CHDH: variants seen among roughly 807,000 people sequenced by gnomAD.
CHDH encodes choline dehydrogenase, mitochondrial.
A neutral mutation model predicts 56.9 loss-of-function variants in CHDH; 43 were observed. The ratio of observed to expected loss-of-function variants is 0.76; its 90% CI spans 0.59 to 0.97. CHDH has a LOEUF of 0.97. Ranked by LOEUF, CHDH falls within the 50% of genes least tolerant of loss-of-function variation. The pLI is 0.00. For missense variants in CHDH, 816 were observed against 821.1 expected, an observed-to-expected ratio of 0.99 and a Z score of 0.08; for synonymous variants, 364 against 348.5, an observed-to-expected ratio of 1.04 and a Z score of -0.50.
rs780132366 is a variant in CHDH at position 53,820,551 on chromosome 3, C to T, written c.1043G>A (p.Arg348His). The T allele has an allele frequency of 2.0e-5, 33 of 1,613,918 alleles. No homozygotes were observed. The Middle Eastern group carries it at 4.9e-4, about 24-fold the overall frequency. ...LEIYIQQACTRPITLHSAQKP... is the reference protein window; with the variant it reads ...LEIYIQQACTHPITLHSAQKP... ...CTGTGCTGAATGGAGGGTGATAGGG[C>T]GGGTGCATGCCTGCTGAATGTAGAT... The change falls in exon 6 of 9, where the codon CGC becomes CAC. Residue 348 changes from arginine (R) to histidine (H), a missense_variant. Transcript: ENST00000315251.
In CHDH at chr3:53,823,808, C is replaced by T; in HGVS notation, c.201G>A (p.Val67=). 1.3e-6 allele frequency: 2 copies of T among 1,583,196 alleles called. No homozygotes were observed. The highest frequency in any genetic ancestry group is 4.6e-5 in the East Asian group (2 of 43,344). The change falls in exon 3 of 9, where the codon GTG becomes GTA. Residue 67 remains valine, a synonymous_variant. Transcript: ENST00000315251. ...CCTTGGGCCCGGCCTCCAGCAGCAG[C>T]ACGCGCTCGGCGGGGTCCTCCGTGA... is the stretch of plus-strand genomic sequence containing the variant. ...GRLTEDPAER[V]LLLEAGPKDV...
intron 2 of CHDH, among the ~76,000 whole-genome samples, chr3:53,838,540 T>C (rs1576804827): frequency 6.6e-6 from 1 of 152,184 alleles, no homozygotes; most frequent in East Asian, 1.9e-4. Context: ...TAGAAGGCGC[T>C]GGTGTCCCAG....
intron 5 of CHDH, among the ~76,000 whole-genome samples, chr3:53,820,958 A>G (rs2095625136): frequency 6.6e-6 from 1 of 152,242 alleles, no homozygotes; most frequent in African/African-American, 2.4e-5. Context: ...GGTGATGGCC[A>G]GAGGGGCAGA....
At chr3:53,820,018 A>T (rs2095623197) in intron 6 of CHDH, among the ~76,000 whole-genome samples, 1 of 152,234 alleles carries the variant, frequency 6.6e-6, no homozygotes, top group African/African-American at 2.4e-5. Context: ...GACTGAGTGG[A>T]TGGGTAGGAT....
rs2095631360 is a variant in CHDH at position 53,823,243 on chromosome 3, C to T, written c.703+63G>A. On this transcript the variant is annotated intron_variant, in intron 3 of 8. Coordinates refer to ENST00000315251, the MANE Select transcript of CHDH (RefSeq NM_018397.5). ...GAGCCAGGAGCCTGGAGCCACGGGC[C>T]AAGATGGGTGGGGGCTGGGGTAGGG... The T allele has an allele frequency of 3.6e-6, 5 of 1,406,410 alleles. No homozygotes were observed. In the Admixed American group the frequency reaches 1.4e-4, roughly 40 times the overall value. The allele number at this position is 1,406,410 out of a possible 1,614,324, so 87.1% of individuals were successfully genotyped here. A position where few individuals can be genotyped will look rare whatever the true frequency, so the allele number is the denominator to read the frequency against.
chr3:53,828,022 T>C (rs898052468), intron 2 of CHDH, among the ~76,000 whole-genome samples: 4 of 152,170 alleles, frequency 2.6e-5, no homozygotes, highest in East Asian at 3.8e-4. Flanking sequence ...CAGTGTCATA[T>C]TGGTGAATAG....
chr3:53,827,723 C>A (rs779452179), intron 2 of CHDH, among the ~76,000 whole-genome samples: 2 of 152,154 alleles, frequency 1.3e-5, no homozygotes, highest in Non-Finnish European at 2.9e-5. Flanking sequence ...AACTATGAAA[C>A]CCTGATGAAA....
chr3:53,819,598 C>T lies in CHDH; in HGVS notation c.1197G>A (p.Gln399=). The change falls in exon 7 of 9, where the codon CAG becomes CAA. Residue 399 remains glutamine (Q), a synonymous_variant. Transcript: ENST00000315251. The surrounding 1 kb of genome is among the most constrained non-coding windows in gnomAD (Gnocchi z 5.4). ...SQPGVPHPDI[Q]FHFLPSQVID... ...TCACTTGGGATGGCAGGAAATGGAA[C>T]TGGATGTCCGGGTGGGGGACCCCAG... is the stretch of plus-strand genomic sequence containing the variant. 6.2e-7 allele frequency: 1 copy of T among 1,612,066 alleles called. No individual in the cohort carries two copies. Among genetic ancestry groups the T allele is most frequent in the Non-Finnish European group, 8.5e-7 (1 of 1,179,016 alleles).
Position 53,813,590 on chromosome 3 carries a change from T to C in CHDH, c.*4187A>G, listed in dbSNP as rs1211840907. 6.6e-6 allele frequency: 1 copy of C among 152,234 alleles called. No homozygotes were observed. The highest frequency in any genetic ancestry group is 6.5e-5 in the Admixed American group (1 of 15,284). 9.4% of individuals were successfully genotyped at this position (152,234 alleles called of 1,614,324 possible). A position where few individuals can be genotyped will look rare whatever the true frequency, so the allele number is the denominator to read the frequency against. ...GGCCAAAATTGCCAGACCAGGACCC[T>C]AAGTGTCTGATAGAGGCGATGATCT... is the stretch of plus-strand genomic sequence containing the variant. On this transcript the variant is annotated 3_prime_UTR_variant, in exon 9 of 9. Transcript: ENST00000315251.
In CHDH at chr3:53,814,971, A is replaced by G. The variant is rs2095613317; in HGVS notation, c.*2806T>C. The G allele has an allele frequency of 6.6e-6, 1 of 152,112 alleles. No individual in the cohort carries two copies. The highest frequency in any genetic ancestry group is 1.5e-5 in the Non-Finnish European group (1 of 68,056). The allele number at this position is 152,112 out of a possible 1,614,324, so 9.4% of individuals were successfully genotyped here. On this transcript the variant is annotated 3_prime_UTR_variant, in exon 9 of 9. Transcript: ENST00000315251. ...CACCATGCCTAGCCAAGAAGAATCT[A>G]TTTGAATTCGTGGAGATGATGCCTG...
In CHDH at chr3:53,819,714, G is replaced by T; in HGVS notation, c.1121-40C>A. The stretch of plus-strand genomic sequence containing the variant: ...AGGATGAGGCAGAAGAGCCAGTCAG[G>T]CCGTGGCAGGTGGGCCGGCTGCTCC... On this transcript the variant is annotated intron_variant, in intron 6 of 8. Coordinates refer to ENST00000315251, the MANE Select transcript of CHDH (RefSeq NM_018397.5). This position sits in a 1 kb window ranked among gnomAD's most constrained non-coding sequence, Gnocchi z 5.4. 1 of 1,519,246 alleles carries T rather than the reference G, an allele frequency of 6.6e-7. No individual in the cohort carries two copies. Among genetic ancestry groups the T allele is most frequent in the Non-Finnish European group, 8.8e-7 (1 of 1,132,188 alleles). The allele number at this position is 1,519,246 out of a possible 1,614,324, so 94.1% of individuals were successfully genotyped here.
intron 1 of CHDH, 150 bp downstream of exon 1, chr3:53,845,933 G>A (rs1698862534): frequency 6.6e-6 from 1 of 152,304 alleles, no homozygotes; most frequent in Non-Finnish European, 1.5e-5. Context: ...CGTTCCACCC[G>A]TTTCGCTTCG....
chr3:53,829,163 G>A (rs950418311), intron 2 of CHDH, among the ~76,000 whole-genome samples: 8 of 152,098 alleles, frequency 5.3e-5, no homozygotes, highest in East Asian at 3.9e-4. Flanking sequence ...GCTACAAACC[G>A]TATGAGTTCA....
chr3:53,827,223 T>A (rs1300842739), intron 2 of CHDH, among the ~76,000 whole-genome samples: 1 of 152,200 alleles, frequency 6.6e-6, no homozygotes, highest in Non-Finnish European at 1.5e-5. Context: ...GCTGTTCTCA[T>A]GATAGTGAAT....
intron 8 of CHDH, 108 bp from the exon 9 acceptor site, chr3:53,818,303 T>C (rs1461769012): frequency 5.7e-6 from 6 of 1,049,380 alleles, no homozygotes; most frequent in Non-Finnish European, 8.1e-6. Context: ...GGGATGGTGT[T>C]TGGGGACAAA....
chr3:53,843,540 C>G (rs1202834011), intron 1 of CHDH, among the ~76,000 whole-genome samples: 1 of 152,150 alleles, frequency 6.6e-6, no homozygotes, highest in Non-Finnish European at 1.5e-5. Flanking sequence ...GGCAGAGGCC[C>G]TGACCTTTGC....
At chr3:53,845,520 C>T (rs1289931809) in intron 1 of CHDH, among the ~76,000 whole-genome samples, 1 of 152,244 alleles carries the variant, frequency 6.6e-6, no homozygotes, top group African/African-American at 2.4e-5. Flanking sequence ...CAGTTCCAGC[C>T]TCTGTGACTC....
At chr3:53,838,333 A>G (rs1698569409) in intron 2 of CHDH, among the ~76,000 whole-genome samples, 1 of 152,152 alleles carries the variant, frequency 6.6e-6, no homozygotes, top group African/African-American at 2.4e-5. Context: ...AGCACCTGAT[A>G]GACTAGGGGA....
chr3:53,828,128 A>G (rs1013504012), intron 2 of CHDH, among the ~76,000 whole-genome samples: 21 of 151,646 alleles, frequency 1.4e-4, no homozygotes, highest in African/African-American at 4.6e-4. Context: ...ATAGAGCAAG[A>G]AAGTCTTTTC....
Sources: gnomAD v4.1 joint callset for allele counts (sites outside exome capture counted in the v4.1 genomes callset) on GRCh38, gnomAD v4.1.1 for gene constraint, Gnocchi (gnomAD v3.1) non-coding constraint, MANE v1.5 for transcripts, NCBI Gene and HGNC (gene_info 2026-07-23, HGNC 2026-07-21) for gene names.